NMUR1: variants seen among roughly 807,000 people sequenced by gnomAD.
The protein encoded by NMUR1 is neuromedin U receptor 1.
A neutral mutation model predicts 18.8 loss-of-function variants in NMUR1; 16 were observed. The observed-to-expected ratio is 0.85, with a 90% confidence interval of 0.58 to 1.29. The LOEUF (loss-of-function observed/expected upper bound fraction) is 1.29. NMUR1 is among the 50% of genes most tolerant of loss of function. The probability of loss-of-function intolerance (pLI) is 0.00; values close to 1 mark genes in which losing one functional copy is unlikely to be tolerated. For missense variants in NMUR1, 529 were observed against 580.3 expected, an observed-to-expected ratio of 0.91 and a Z score of 0.91; for synonymous variants, 258 against 258.2, an observed-to-expected ratio of 1.00 and a Z score of 0.01.
chr2:231,520,366 G>A (rs74461033), downstream of NMUR1, among the ~76,000 whole-genome samples: 122 of 152,364 alleles, frequency 8.0e-4, no homozygotes, highest in African/African-American at 2.9e-3. Context: ...TGCCCCTGTT[G>A]TTGTGCGTCT....
At chr2:231,522,586 C>G (rs1362645402), downstream of NMUR1, among the ~76,000 whole-genome samples, 1 of 151,892 alleles carries the variant, frequency 6.6e-6, no homozygotes, top group African/African-American at 2.4e-5. Flanking sequence ...TCTCCCTGTC[C>G]CTGCAGTCAC....
Position 231,530,424 on chromosome 2 carries a change from G to A in NMUR1, c.-63C>T. On this transcript the variant is annotated 5_prime_UTR_variant, in exon 1 of 3. Transcript: ENST00000305141. ...CGAGCGACGGACACAGACGCGGCGC[G>A]GGAGCCAGTGGACTGACTGACAGCG... 1 of 1,454,302 alleles carries A rather than the reference G, an allele frequency of 6.9e-7. No individual in the cohort carries two copies. The highest frequency in any genetic ancestry group is 9.0e-7 in the Non-Finnish European group (1 of 1,110,214). The allele number at this position is 1,454,302 out of a possible 1,614,324, so 90.1% of individuals were successfully genotyped here.
chr2:231,522,243 C>G (rs2047311988), downstream of NMUR1, among the ~76,000 whole-genome samples: 1 of 151,594 alleles, frequency 6.6e-6, no homozygotes, highest in Non-Finnish European at 1.5e-5. Context: ...CCTTGGCTTC[C>G]CGAAGAGCTG....
Position 231,528,243 on chromosome 2 carries a change from G to T in NMUR1, c.778C>A (p.Arg260=). 6 of 1,613,786 alleles carry T rather than the reference G, an allele frequency of 3.7e-6. No homozygotes were observed. The East Asian group carries it at 1.3e-4, about 36-fold the overall frequency. ...TCCTGCATGAGCAGCAGCCTCTCCC[G>T]CCGCAGTCGCAGCCCAATGAGCAGG... ...LYLLIGLRLR[R]ERLLLMQEAK... The change falls in exon 2 of 3, where the codon CGG becomes AGG. Residue 260 remains arginine (R), a synonymous_variant. Transcript: ENST00000305141.
In NMUR1 at chr2:231,528,231, G is replaced by A. The variant is rs1234560158; in HGVS notation, c.790C>T (p.Leu264=). The change falls in exon 2 of 3, where the codon CTG becomes TTG. Residue 264 remains leucine, a synonymous_variant. Transcript: ENST00000305141. ...IGLRLRRERL[L]LMQEAKGRGS... ...CTGCCCTTGGCCTCCTGCATGAGCAGCAGCCTCTCCCGCCGCAGTCGCAGC... is the reference window on the plus strand; with the variant it reads ...CTGCCCTTGGCCTCCTGCATGAGCAACAGCCTCTCCCGCCGCAGTCGCAGC... 3.1e-6 allele frequency: 5 copies of A among 1,612,620 alleles called. No individual in the cohort carries two copies. The highest frequency in any genetic ancestry group is 4.2e-6 in the Non-Finnish European group (5 of 1,179,584).
chr2:231,520,728 A>G (rs1426161717), downstream of NMUR1, among the ~76,000 whole-genome samples: 1 of 152,228 alleles, frequency 6.6e-6, no homozygotes, highest in South Asian at 2.1e-4. Flanking sequence ...AGAAGTGTAC[A>G]AAAATGAGAT....
chr2:231,528,090 G>A (rs1280805811), intron 2 of NMUR1, 33 bp downstream of exon 2: 3 of 1,516,340 alleles, frequency 2.0e-6, no homozygotes, highest in Admixed American at 2.2e-5. Flanking sequence ...CCCAGTGCCT[G>A]GCTCAGCCCC....
At chr2:231,521,653 CAGG>C (rs1189270046), downstream of NMUR1, among the ~76,000 whole-genome samples, 2 of 152,120 alleles carry the variant, frequency 1.3e-5, no homozygotes, top group East Asian at 1.9e-4. Context: ...CTGAACTCCA[CAGG>C]AGGAGGAGGG....
chr2:231,528,814 CA>C lies in NMUR1; in HGVS notation c.206del (p.Leu69ArgfsTer12). ...TGCCCACAGCGCCCACCACGAAGAT[CA>C]GCAGGTATGTGGCACAGATGGGCAT... ...LFMPICATYL[L>X]IFVVGAVGNG... On this transcript the variant is annotated frameshift_variant, in exon 2 of 3. Coordinates refer to ENST00000305141, the MANE Select transcript of NMUR1 (RefSeq NM_006056.5). LOFTEE classifies it high-confidence loss of function. 6.2e-7 allele frequency: 1 copy of C among 1,614,246 alleles called. No individual in the cohort carries two copies. Among genetic ancestry groups the C allele is most frequent in the Non-Finnish European group, 8.5e-7 (1 of 1,180,042 alleles).
downstream of NMUR1, among the ~76,000 whole-genome samples, chr2:231,518,769 C>T (rs982120438): frequency 6.6e-6 from 1 of 152,230 alleles, no homozygotes; most frequent in Non-Finnish European, 1.5e-5. Context: ...GGGAAGTCCA[C>T]GCGCCAGCAG....
Position 231,530,413 on chromosome 2 carries a change from A to T in NMUR1, c.-52T>A. 6.8e-7 allele frequency: 1 copy of T among 1,466,480 alleles called. No individual in the cohort carries two copies. Among genetic ancestry groups the T allele is most frequent in the Non-Finnish European group, 9.0e-7 (1 of 1,116,276 alleles). The allele number at this position is 1,466,480 out of a possible 1,614,324, so 90.8% of individuals were successfully genotyped here. On this transcript the variant is annotated 5_prime_UTR_variant, in exon 1 of 3. Coordinates refer to ENST00000305141, the MANE Select transcript of NMUR1 (RefSeq NM_006056.5). Reference sequence around the variant, plus strand: ...CTTCCACCCTCCGAGCGACGGACACAGACGCGGCGCGGGAGCCAGTGGACT... The same window carrying T: ...CTTCCACCCTCCGAGCGACGGACACTGACGCGGCGCGGGAGCCAGTGGACT...
downstream of NMUR1, among the ~76,000 whole-genome samples, chr2:231,520,711 G>C (rs542312350): frequency 1.3e-5 from 2 of 152,334 alleles, no homozygotes; most frequent in African/African-American, 4.8e-5. Context: ...GAAAGGGGAA[G>C]ACTTGGAGAA....
rs773331356 is a variant in NMUR1, at chr2:231,528,688, C to A, written c.333G>T (p.Leu111=). The A allele has an allele frequency of 2.7e-5, 43 of 1,614,128 alleles. No homozygotes were observed. The highest frequency in any genetic ancestry group is 3.4e-5 in the Non-Finnish European group (40 of 1,180,056). ...SLAVSDLLVL[L]VGLPLELYEM... ...CATAGAGCTCCAGGGGCAGGCCCAC[C>A]AGCAGCACCAGCAGGTCCGACACGG... Residue 111 remains leucine, a synonymous_variant, in exon 2 of 3, where the codon CTG becomes CTT. Coordinates refer to ENST00000305141, the MANE Select transcript of NMUR1 (RefSeq NM_006056.5).
At position 231,528,277 on chromosome 2, in the gene NMUR1, G is replaced by A. The variant is rs749740454; in HGVS notation, c.744C>T (p.Ser248=). 2.1e-5 allele frequency: 34 copies of A among 1,613,692 alleles called. No homozygotes were observed. Among genetic ancestry groups the A allele is most frequent in the Admixed American group, 8.3e-5 (5 of 59,994 alleles). ...GCAGCCCAATGAGCAGGTAGAGCAC[G>A]CTCATGATGGCCATGGGCAGGCAGA... The part of the protein sequence containing the change: ...LFFCLPMAIM[S]VLYLLIGLRL... The change falls in exon 2 of 3, where the codon AGC becomes AGT. Residue 248 remains serine, a synonymous_variant. Coordinates refer to ENST00000305141, the MANE Select transcript of NMUR1 (RefSeq NM_006056.5).
downstream of NMUR1, among the ~76,000 whole-genome samples, chr2:231,522,214 A>T (rs2047311810): frequency 6.6e-6 from 1 of 151,222 alleles, no homozygotes; most frequent in South Asian, 2.1e-4. Flanking sequence ...TGAACTCCTG[A>T]GCTCAGGTGA....
rs1274425632 is a variant in NMUR1 at position 231,525,418 on chromosome 2, C to G, written c.906G>C (p.Leu302=). The change falls in exon 3 of 3, where the codon CTG becomes CTC. Residue 302 remains leucine, a synonymous_variant. Coordinates refer to ENST00000305141, the MANE Select transcript of NMUR1 (RefSeq NM_006056.5). ...RRQVTKMLFV[L]VVVFGICWAP... ...CCCAGCAGATGCCAAACACCACGAC[C>G]AGGACAACTGCAGGGACAGAGAAGG... 1.9e-6 allele frequency: 3 copies of G among 1,609,488 alleles called. No homozygotes were observed. The highest frequency in any genetic ancestry group is 2.5e-6 in the Non-Finnish European group (3 of 1,177,360).
chr2:231,525,320 T>C lies in NMUR1; in HGVS notation c.1004A>G (p.Gln335Arg). Residue 335 changes from glutamine (Q) to arginine (R), a missense_variant, in exon 3 of 3, where the codon CAG becomes CGG. Transcript: ENST00000305141. Reference sequence around the variant, plus strand: ...GATGCCGGAGATGACGTGCACGTGCTGGAAGGCCAGGTGCAGGCCATCTGT... The same window carrying C: ...GATGCCGGAGATGACGTGCACGTGCCGGAAGGCCAGGTGCAGGCCATCTGT... ...QWTDGLHLAFQHVHVISGIFF... is the reference protein window; with the variant it reads ...QWTDGLHLAFRHVHVISGIFF... 6.2e-7 allele frequency: 1 copy of C among 1,613,068 alleles called. No individual in the cohort carries two copies. Among genetic ancestry groups the C allele is most frequent in the Non-Finnish European group, 8.5e-7 (1 of 1,179,698 alleles).
chr2:231,525,546 T>C (rs1178536695), intron 2 of NMUR1, 121 bp from the exon 3 acceptor site: 6 of 1,150,564 alleles, frequency 5.2e-6, no homozygotes, highest in Non-Finnish European at 7.3e-6. Flanking sequence ...CCCTCACCTA[T>C]CACCCAGGTG....
At position 231,528,758 on chromosome 2, in the gene NMUR1, T is replaced by A; in HGVS notation, c.263A>T (p.His88Leu). ...GTTGGTAGGCGTGCGCATGGCCTTG[T>A]GGCGCAGGATGACCAGACAGGTCAG... ...NGLTCLVILR[H>L]KAMRTPTNYY... The change falls in exon 2 of 3, where the codon CAC becomes CTC. Residue 88 changes from histidine (H) to leucine (L), a missense_variant. Transcript: ENST00000305141. 2.5e-6 allele frequency: 4 copies of A among 1,614,220 alleles called. No individual in the cohort carries two copies. The highest frequency in any genetic ancestry group is 3.4e-6 in the Non-Finnish European group (4 of 1,180,032).
Sources: gnomAD v4.1 joint callset for allele counts (sites outside exome capture counted in the v4.1 genomes callset) on GRCh38, gnomAD v4.1.1 for gene constraint, MANE v1.5 for transcripts, NCBI Gene and HGNC (gene_info 2026-07-23, HGNC 2026-07-21) for gene names.